The following MAGI1 variants were observed in gnomAD, a reference collection of about 807,000 sequenced individuals.
MAGI1 encodes the protein membrane-associated guanylate kinase, WW and PDZ domain-containing protein 1.
MAGI1 carries 58 observed loss-of-function variants against 139.9 expected under a neutral mutation model. That is an observed-to-expected ratio of 0.41 (90% confidence interval 0.34 to 0.52). The LOEUF is 0.52. Among genes scored for constraint, MAGI1 ranks in the 20% least tolerant of loss-of-function variants. The pLI is 0.12. For missense variants in MAGI1, 1,874 were observed against 1,901.6 expected, an observed-to-expected ratio of 0.99 and a Z score of 0.27; for synonymous variants, 812 against 737.9, an observed-to-expected ratio of 1.10 and a Z score of -1.63.
chr3:65,738,647 C>T (rs2107769696), intron 1 of MAGI1, among the ~76,000 whole-genome samples: 1 of 152,338 alleles, frequency 6.6e-6, no homozygotes, highest in Non-Finnish European at 1.5e-5. Flanking sequence ...CCATGGGCTG[C>T]AGAAGGGATG....
At chr3:65,623,162 T>C (rs1305845917) in intron 1 of MAGI1, among the ~76,000 whole-genome samples, 1 of 152,202 alleles carries the variant, frequency 6.6e-6, no homozygotes, top group Non-Finnish European at 1.5e-5. Context: ...TAGACTTCAC[T>C]CTTCATCACA....
At chr3:65,654,776 T>C (rs538715121) in intron 1 of MAGI1, among the ~76,000 whole-genome samples, 5 of 152,312 alleles carry the variant, frequency 3.3e-5, no homozygotes, top group Admixed American at 3.3e-4. Flanking sequence ...AGTGAACATC[T>C]GTGTGGGGCC....
chr3:65,620,978 A>G (rs7633595), intron 2 of MAGI1, among the ~76,000 whole-genome samples: 39,723 of 152,072 alleles, frequency 0.26, 5,424 homozygotes, highest in Middle Eastern at 0.37. Context: ...GCTAATGTTT[A>G]TCAGAAAACA....
intron 1 of MAGI1, among the ~76,000 whole-genome samples, chr3:65,854,957 A>G (rs1436209356): frequency 6.6e-6 from 1 of 152,262 alleles, no homozygotes; most frequent in Non-Finnish European, 1.5e-5. Flanking sequence ...TACAGGGACA[A>G]GGAAGGTAAT....
At chr3:65,661,749 T>TTTTG (rs1553687515) in intron 1 of MAGI1, among the ~76,000 whole-genome samples, 42 of 134,900 alleles carry the variant, frequency 3.1e-4, no homozygotes, top group African/African-American at 1.1e-3. Flanking sequence ...TTTTCTGTTT[T>TTTTG]TTTTTTTTTT....
chr3:65,777,747 T>C (rs1327459478), intron 1 of MAGI1, among the ~76,000 whole-genome samples: 1 of 152,056 alleles, frequency 6.6e-6, no homozygotes, highest in Admixed American at 6.5e-5. Context: ...TGGTTTCAAA[T>C]CCCACCTATT....
chr3:65,752,477 T>C lies in MAGI1; in HGVS notation c.314-130389A>G, dbSNP rs76268536. On this transcript the variant is annotated intron_variant, in intron 1 of 22. Transcript: ENST00000402939. The stretch of plus-strand genomic sequence containing the variant: ...TTAATGTCAAAATTAATGACATAAT[T>C]AATCCAAAATGGTTGTTCTCCACAA... Among the ~76,000 whole-genome samples, 288 of 152,342 alleles carry C rather than the reference T, an allele frequency of 1.9e-3. 2 individuals carry two copies. Among genetic ancestry groups the C allele is most frequent in the African/African-American group, 6.7e-3 (278 of 41,584 alleles).
At chr3:66,009,886 G>T (rs943653757) in intron 1 of MAGI1, among the ~76,000 whole-genome samples, 6 of 151,832 alleles carry the variant, frequency 4.0e-5, no homozygotes, top group African/African-American at 1.2e-4. Flanking sequence ...GACCAGCCTG[G>T]TTAACATGGT....
At chr3:65,368,162 G>GA (rs1363572155) in intron 18 of MAGI1, among the ~76,000 whole-genome samples, 3 of 152,080 alleles carry the variant, frequency 2.0e-5, no homozygotes, top group Non-Finnish European at 4.4e-5. Context: ...ACTTACGGTG[G>GA]AAAAAATATA....
intron 6 of MAGI1, among the ~76,000 whole-genome samples, chr3:65,451,319 T>C (rs1051571725): frequency 1.3e-5 from 2 of 152,174 alleles, no homozygotes; most frequent in Non-Finnish European, 2.9e-5. Flanking sequence ...GAAGACCCTA[T>C]GGTAATAAGT....
chr3:65,470,765 C>T (rs1392435718), intron 4 of MAGI1, among the ~76,000 whole-genome samples: 1 of 152,064 alleles, frequency 6.6e-6, no homozygotes, highest in Non-Finnish European at 1.5e-5. Context: ...TTGGAAATGT[C>T]AAAGAAGAAA....
chr3:65,875,566 T>C (rs956594819), intron 1 of MAGI1, among the ~76,000 whole-genome samples: 3 of 152,156 alleles, frequency 2.0e-5, no homozygotes, highest in African/African-American at 7.2e-5. Context: ...ACAGATCTAT[T>C]TGTAGCTCTG....
rs1454264620 is a variant in MAGI1 at position 66,038,375 on chromosome 3, C to G, written c.-67G>C. On this transcript the variant is annotated 5_prime_UTR_variant, in exon 1 of 23. Transcript: ENST00000402939. ...AGGTGCCCCCCACAGCACGAGCCCC[C>G]AAGCCTCCGCTTGTTCATGGGAGAA... 1 of 1,497,896 alleles carries G rather than the reference C, an allele frequency of 6.7e-7. No homozygotes were observed. The highest frequency in any genetic ancestry group is 1.4e-5 in the African/African-American group (1 of 71,524). 92.8% of individuals were successfully genotyped at this position (1,497,896 alleles called of 1,614,324 possible). A position where few individuals can be genotyped will look rare whatever the true frequency, so the allele number is the denominator to read the frequency against.
At chr3:65,833,410 C>T (rs1253105298) in intron 1 of MAGI1, among the ~76,000 whole-genome samples, 2 of 152,254 alleles carry the variant, frequency 1.3e-5, no homozygotes, top group Non-Finnish European at 1.5e-5. Context: ...TGAGCCACCA[C>T]GCCTGGCCTA....
chr3:65,753,455 T>C lies in MAGI1; in HGVS notation c.314-131367A>G, dbSNP rs149930980. ...AACTAAGAGTTAAAAAAGCAATCTGTCACGCCTGTAATCCCAGCATTTTGG... is the reference window on the plus strand; with the variant it reads ...AACTAAGAGTTAAAAAAGCAATCTGCCACGCCTGTAATCCCAGCATTTTGG... On this transcript the variant is annotated intron_variant, in intron 1 of 22. Coordinates refer to ENST00000402939, the MANE Select transcript of MAGI1 (RefSeq NM_001033057.2). 2.5e-3 allele frequency among the ~76,000 whole-genome samples: 385 copies of C among 152,254 alleles called. 1 individual carries two copies. Among genetic ancestry groups the C allele is most frequent in the Middle Eastern group, 0.01 (3 of 294 alleles).
chr3:65,671,806 C>T (rs184395903), intron 1 of MAGI1, among the ~76,000 whole-genome samples: 10 of 152,258 alleles, frequency 6.6e-5, no homozygotes, highest in Non-Finnish European at 1.3e-4. Flanking sequence ...CCATCACTTC[C>T]CTCCTTGACA....
intron 1 of MAGI1, among the ~76,000 whole-genome samples, chr3:65,911,077 C>T (rs1032394346): frequency 5.3e-5 from 8 of 151,240 alleles, no homozygotes; most frequent in South Asian, 2.1e-4. Flanking sequence ...AGGCTGGTGT[C>T]GAACTCCTGA....
intron 4 of MAGI1, among the ~76,000 whole-genome samples, chr3:65,475,873 C>T (rs1283875732): frequency 6.6e-6 from 1 of 151,986 alleles, no homozygotes; most frequent in Non-Finnish European, 1.5e-5. Flanking sequence ...CTTAGTGAGA[C>T]ATACCTTCTT....
chr3:65,491,317 G>T (rs1318576098), intron 3 of MAGI1, among the ~76,000 whole-genome samples: 1 of 152,090 alleles, frequency 6.6e-6, no homozygotes, highest in Non-Finnish European at 1.5e-5. Context: ...CGCCTCTGTT[G>T]CAATGATAAA....
Sources: allele counts gnomAD v4.1 joint callset (sites outside exome capture counted in the v4.1 genomes callset), GRCh38; gene constraint gnomAD v4.1.1; transcripts MANE v1.5; gene names NCBI Gene and HGNC (gene_info 2026-07-23, HGNC 2026-07-21).